The following HCN1 variants were observed in gnomAD, a reference collection of about 807,000 sequenced individuals.
HCN1 encodes the protein hyperpolarization activated cyclic nucleotide gated potassium channel 1.
HCN1 carries 13 observed loss-of-function variants against 78.9 expected under a neutral mutation model. That is an observed-to-expected ratio of 0.16 (90% CI 0.11 to 0.26). HCN1 has a LOEUF of 0.26. Ranked by LOEUF, HCN1 falls within the 10% of genes least tolerant of loss-of-function variation. The pLI, the probability that HCN1 is intolerant of heterozygous loss-of-function variation, is 1.00. For missense variants in HCN1, 810 were observed against 1,154.3 expected (o/e 0.70, Z 4.32); for synonymous variants, 552 against 455.5 (o/e 1.21, Z -2.70).
intron 5 of HCN1, among the ~76,000 whole-genome samples, chr5:45,323,549 A>T (rs1398532669): frequency 6.6e-6 from 1 of 151,444 alleles, no homozygotes; most frequent in East Asian, 2.0e-4. Context: ...ATAGAGTAAA[A>T]TTTTTCTTTT....
intron 4 of HCN1, among the ~76,000 whole-genome samples, chr5:45,384,620 C>G (rs1277621549): frequency 6.6e-6 from 1 of 152,026 alleles, no homozygotes; most frequent in Non-Finnish European, 1.5e-5. Flanking sequence ...CTCAAATAAA[C>G]TTGTTTTTAC....
chr5:45,673,129 T>C (rs538706533), intron 1 of HCN1, among the ~76,000 whole-genome samples: 1 of 151,418 alleles, frequency 6.6e-6, no homozygotes, highest in Non-Finnish European at 1.5e-5. Context: ...TTTCACAGTT[T>C]GGGGGGTACT....
At chr5:45,343,998 T>C (rs751127470) in intron 5 of HCN1, among the ~76,000 whole-genome samples, 10 of 152,138 alleles carry the variant, frequency 6.6e-5, no homozygotes, top group Non-Finnish European at 7.3e-5. Context: ...AATAAAGACA[T>C]AACTGAGACC....
chr5:45,472,303 G>A (rs1296711982), intron 2 of HCN1, among the ~76,000 whole-genome samples: 1 of 151,778 alleles, frequency 6.6e-6, no homozygotes, highest in Non-Finnish European at 1.5e-5. Context: ...CCTCTCCAAG[G>A]AGAAAATTAA....
At chr5:45,299,128 A>G (rs1745556308) in intron 6 of HCN1, among the ~76,000 whole-genome samples, 1 of 152,158 alleles carries the variant, frequency 6.6e-6, no homozygotes, top group South Asian at 2.1e-4. Flanking sequence ...GCCAAAGAAG[A>G]CATTACTACT....
At position 45,332,531 on chromosome 5, in the gene HCN1, T is replaced by G. The variant is rs1746365733; in HGVS notation, c.1377+20569A>C. Among the ~76,000 whole-genome samples the G allele has an allele frequency of 2.0e-5, 3 of 151,412 alleles. No homozygotes were observed. The South Asian group carries it at 6.2e-4, about 31-fold the overall frequency. On this transcript the variant is annotated intron_variant, in intron 5 of 7. Transcript: ENST00000303230. Reference sequence around the variant, plus strand: ...ACCATCCTTCTACTCTCTATCTCCATGAGTTCAATTGTTTTGATTTTCAGA... The same window carrying G: ...ACCATCCTTCTACTCTCTATCTCCAGGAGTTCAATTGTTTTGATTTTCAGA...
Position 45,415,419 on chromosome 5 carries a change from C to T in HCN1, c.1012-18709G>A, listed in dbSNP as rs190985658. On this transcript the variant is annotated intron_variant, in intron 3 of 7. Coordinates refer to ENST00000303230, the MANE Select transcript of HCN1 (RefSeq NM_021072.4). ...CAAAAACTTGGTCATGATGTATCCC[C>T]TGCATCTCTCCTGAGCAATACTGCT... 3.2e-4 allele frequency among the ~76,000 whole-genome samples: 48 copies of T among 152,068 alleles called. 1 individual carries two copies. The East Asian group carries it at 7.0e-3, about 22-fold the overall frequency.
chr5:45,508,528 G>T (rs1742351837), intron 2 of HCN1, among the ~76,000 whole-genome samples: 1 of 151,876 alleles, frequency 6.6e-6, no homozygotes, highest in Admixed American at 6.6e-5. Context: ...CAAACATTAG[G>T]CACTGTCTTT....
chr5:45,467,085 T>C (rs923897761), intron 2 of HCN1, among the ~76,000 whole-genome samples: 3 of 152,102 alleles, frequency 2.0e-5, no homozygotes, highest in Non-Finnish European at 4.4e-5. Flanking sequence ...TTCTTTCCAC[T>C]ATTCCTTCCA....
chr5:45,473,618 TA>T (rs763799178), intron 2 of HCN1, among the ~76,000 whole-genome samples: 15 of 151,610 alleles, frequency 9.9e-5, no homozygotes, highest in Admixed American at 2.6e-4. Flanking sequence ...ATTGCTTCAT[TA>T]ATTACCTCCT....
In HCN1 at chr5:45,372,136, T is replaced by A. The variant is rs1187237288; in HGVS notation, c.1231-18890A>T. ...ATAATTATATATTATATATATAATA[T>A]AATAATATATTATATAATATGTTAT... On this transcript the variant is annotated intron_variant, in intron 4 of 7. Coordinates refer to ENST00000303230, the MANE Select transcript of HCN1 (RefSeq NM_021072.4). 3.8e-4 allele frequency among the ~76,000 whole-genome samples: 21 copies of A among 55,764 alleles called. 1 individual carries two copies. The Admixed American group carries it at 6.8e-3, about 18-fold the overall frequency. 36.6% of individuals were successfully genotyped at this position (55,764 alleles called of 152,430 possible).
intron 1 of HCN1, among the ~76,000 whole-genome samples, chr5:45,665,563 G>A (rs148713477): frequency 6.6e-6 from 1 of 152,008 alleles, no homozygotes; most frequent in Non-Finnish European, 1.5e-5. Context: ...GAAAACTTGT[G>A]AAGAAATAAA....
At chr5:45,291,008 A>C in intron 6 of HCN1, among the ~76,000 whole-genome samples, 1 of 152,052 alleles carries the variant, frequency 6.6e-6, no homozygotes, top group East Asian at 1.9e-4. Context: ...GAAAGCTTGA[A>C]AATGCTTCAT....
intron 3 of HCN1, among the ~76,000 whole-genome samples, chr5:45,458,039 T>C (rs1043120541): frequency 2.0e-5 from 3 of 152,050 alleles, no homozygotes; most frequent in Non-Finnish European, 4.4e-5. Context: ...ATGAGGAATT[T>C]AGAAAGACTG....
intron 4 of HCN1, among the ~76,000 whole-genome samples, chr5:45,393,777 C>A (rs973915054): frequency 6.6e-6 from 1 of 152,138 alleles, no homozygotes; most frequent in Non-Finnish European, 1.5e-5. Context: ...TAAAAAGATG[C>A]TAAGTAAGGA....
At chr5:45,446,426 G>C (rs1310685379) in intron 3 of HCN1, among the ~76,000 whole-genome samples, 1 of 152,134 alleles carries the variant, frequency 6.6e-6, no homozygotes, top group Non-Finnish European at 1.5e-5. Context: ...GTACCTGAAA[G>C]TGACGGGGAG....
In HCN1 at chr5:45,262,065, T is replaced by A; in HGVS notation, c.2529A>T (p.Arg843=). 2 of 1,613,768 alleles carry A rather than the reference T, an allele frequency of 1.2e-6. No individual in the cohort carries two copies. The highest frequency in any genetic ancestry group is 1.7e-6 in the Non-Finnish European group (2 of 1,179,946). ...GGGGGATGGCTCCCGACGACATCTG[T>A]CGGAAGAGGGTGACGCGCTGCGGGA... The part of the protein sequence containing the change: ...STVPQRVTLF[R]QMSSGAIPPN... Residue 843 remains arginine (R), a synonymous_variant, in exon 8 of 8, where the codon CGA becomes CGT. Coordinates refer to ENST00000303230, the MANE Select transcript of HCN1 (RefSeq NM_021072.4).
intron 4 of HCN1, among the ~76,000 whole-genome samples, chr5:45,362,470 TTC>T (rs1198924136): frequency 6.6e-6 from 1 of 152,106 alleles, no homozygotes; most frequent in Non-Finnish European, 1.5e-5. Flanking sequence ...CTGTCTTTAT[TTC>T]TCTTATAAAC....
chr5:45,427,952 C>G (rs1347905010), intron 3 of HCN1, among the ~76,000 whole-genome samples: 4 of 151,850 alleles, frequency 2.6e-5, no homozygotes, highest in African/African-American at 9.7e-5. Context: ...AACTTTATAT[C>G]CTCAGCCTGT....
Sources: allele counts gnomAD v4.1 joint callset (sites outside exome capture counted in the v4.1 genomes callset), GRCh38; gene constraint gnomAD v4.1.1; transcripts MANE v1.5; gene names NCBI Gene and HGNC (gene_info 2026-07-23, HGNC 2026-07-21).